NRG1: variants seen among roughly 807,000 people sequenced by gnomAD.
NRG1 encodes the protein neuregulin 1.
A neutral mutation model predicts 63.8 loss-of-function variants in NRG1; 18 were observed. The ratio of observed to expected loss-of-function variants is 0.28; its 90% confidence interval spans 0.19 to 0.42. The LOEUF (loss-of-function observed/expected upper bound fraction) is 0.42, where lower values mean the gene tolerates loss of function less well. Ranked by LOEUF, NRG1 falls within the 10% of genes least tolerant of loss-of-function variation. The probability of loss-of-function intolerance (pLI) is 1.00; values close to 1 mark genes in which losing one functional copy is unlikely to be tolerated. For missense variants in NRG1, 762 were observed against 814.7 expected (o/e 0.94, Z 0.79); for synonymous variants, 302 against 301.3 (o/e 1.00, Z -0.02).
intron 1 of NRG1, among the ~76,000 whole-genome samples, chr8:31,682,503 T>C (rs1585634184): frequency 6.6e-6 from 1 of 152,264 alleles, no homozygotes; most frequent in African/African-American, 2.4e-5. Context: ...ACACACATTG[T>C]ACTAAAGTCG....
exon 12 of NRG1, chr8:32,764,009 C>A (rs765561405): frequency 6.2e-7 from 1 of 1,614,004 alleles, no homozygotes; most frequent in African/African-American, 1.3e-5. Flanking sequence ...ATGACAGTAA[C>A]AGCCTCCCTG....
chr8:31,935,352 T>A (rs1474989395), intron 1 of NRG1, among the ~76,000 whole-genome samples: 1 of 151,866 alleles, frequency 6.6e-6, no homozygotes, highest in African/African-American at 2.4e-5. Flanking sequence ...CAAACTCCTG[T>A]GTTCAAGTGG....
intron 1 of NRG1, among the ~76,000 whole-genome samples, chr8:32,015,533 G>A (rs1350056716): frequency 6.6e-6 from 1 of 152,094 alleles, no homozygotes; most frequent in African/African-American, 2.4e-5. Flanking sequence ...ATATTTCCTT[G>A]GCAAATTTGG....
intron 1 of NRG1, among the ~76,000 whole-genome samples, chr8:31,747,537 G>A (rs748598933): frequency 2.6e-5 from 4 of 151,996 alleles, no homozygotes; most frequent in Admixed American, 6.6e-5. Flanking sequence ...TTTGTGTAAT[G>A]TGGTAAGCAT....
intron 1 of NRG1, among the ~76,000 whole-genome samples, chr8:32,112,004 A>C (rs921427508): frequency 6.6e-6 from 1 of 152,194 alleles, no homozygotes; most frequent in Non-Finnish European, 1.5e-5. Context: ...AAATGGTGGC[A>C]ATAATGATGA....
intron 1 of NRG1, among the ~76,000 whole-genome samples, chr8:32,131,841 T>C (rs1363129598): frequency 1.3e-5 from 2 of 152,056 alleles, no homozygotes; most frequent in African/African-American, 2.4e-5. Flanking sequence ...AGTATTGACA[T>C]AGCCACTAAT....
At chr8:31,646,773 A>C (rs949980628) in intron 1 of NRG1, among the ~76,000 whole-genome samples, 64 of 152,208 alleles carry the variant, frequency 4.2e-4, no homozygotes, top group African/African-American at 1.4e-3. Flanking sequence ...TTCTAGCCTA[A>C]ATTTAGAAAG....
In NRG1 at chr8:32,255,331, A is replaced by AT. The variant is rs1849573694; in HGVS notation, c.38-340497_38-340496insT. ...GTATGTTTTTGTGGTGGCTGTTACC[A>AT]GTTTTTCCTTTCCATATTTAGTGCT... On this transcript the variant is annotated intron_variant, in intron 1 of 10. Coordinates refer to the NRG1 transcript ENST00000519301. Among the ~76,000 whole-genome samples the AT allele has an allele frequency of 3.3e-5, 5 of 152,230 alleles. No homozygotes were observed. The South Asian group carries it at 1.0e-3, about 32-fold the overall frequency.
intron 1 of NRG1, among the ~76,000 whole-genome samples, chr8:32,165,660 A>G (rs989612205): frequency 6.6e-6 from 1 of 152,110 alleles, no homozygotes; most frequent in Non-Finnish European, 1.5e-5. Context: ...GTAATTCTGA[A>G]TTTATGTGAT....
intron 1 of NRG1, among the ~76,000 whole-genome samples, chr8:32,101,328 T>C (rs547120438): frequency 2.2e-4 from 33 of 152,122 alleles, no homozygotes; most frequent in Non-Finnish European, 4.3e-4. Flanking sequence ...AATCTTCCAC[T>C]CAGGACTCCT....
At chr8:32,048,812 GGTT>G (rs1821514472) in intron 1 of NRG1, among the ~76,000 whole-genome samples, 1 of 151,716 alleles carries the variant, frequency 6.6e-6, no homozygotes, top group South Asian at 2.1e-4. Flanking sequence ...TTTTTAATCG[GGTT>G]GTTTTGTTGC....
chr8:32,687,609 G>A (rs1810503741), intron 5 of NRG1, among the ~76,000 whole-genome samples: 1 of 152,108 alleles, frequency 6.6e-6, no homozygotes, highest in African/African-American at 2.4e-5. Context: ...TAGTTGCCTG[G>A]GGAGATGATC....
intron 1 of NRG1, among the ~76,000 whole-genome samples, chr8:31,685,483 G>A (rs184867745): frequency 5.7e-4 from 87 of 152,186 alleles, no homozygotes; most frequent in African/African-American, 2.0e-3. Flanking sequence ...TTTTTAAGTG[G>A]CAGTTTAAAC....
chr8:32,678,810 A>G (rs562393324), intron 5 of NRG1, among the ~76,000 whole-genome samples: 3 of 152,340 alleles, frequency 2.0e-5, no homozygotes, highest in Admixed American at 2.0e-4. Context: ...CTAGTACAAA[A>G]GTAACCCATG....
At chr8:32,262,932 A>T (rs907125771) in intron 1 of NRG1, among the ~76,000 whole-genome samples, 1 of 151,722 alleles carries the variant, frequency 6.6e-6, no homozygotes, top group Non-Finnish European at 1.5e-5. Context: ...CCTTTATCTA[A>T]CTCTTCCTCC....
At chr8:31,829,423 C>T (rs1014903384) in intron 1 of NRG1, among the ~76,000 whole-genome samples, 2 of 152,160 alleles carry the variant, frequency 1.3e-5, no homozygotes, top group Non-Finnish European at 2.9e-5. Context: ...AAATGGACAG[C>T]ATTATCACAG....
At chr8:32,351,022 C>A (rs1040809307) in intron 1 of NRG1, among the ~76,000 whole-genome samples, 1 of 152,110 alleles carries the variant, frequency 6.6e-6, no homozygotes, top group Non-Finnish European at 1.5e-5. Flanking sequence ...TTTTTGATCT[C>A]ATGTCCACTA....
At chr8:32,750,489 G>A (rs1828482047) in intron 7 of NRG1, among the ~76,000 whole-genome samples, 1 of 152,052 alleles carries the variant, frequency 6.6e-6, no homozygotes. Context: ...CCGGACCATG[G>A]TTGGGTCAGT....
chr8:32,001,228 T>A (rs1812868648), intron 1 of NRG1, among the ~76,000 whole-genome samples: 1 of 152,056 alleles, frequency 6.6e-6, no homozygotes. Context: ...TCCCCACATA[T>A]CATGGGAGGG....
Sources: allele counts gnomAD v4.1 joint callset (sites outside exome capture counted in the v4.1 genomes callset), GRCh38; gene constraint gnomAD v4.1.1; transcripts MANE v1.5; gene names NCBI Gene and HGNC (gene_info 2026-07-23, HGNC 2026-07-21).